The following LRCH3 variants were observed in gnomAD, a reference collection of about 807,000 sequenced individuals.
The protein encoded by LRCH3 is leucine rich repeats and calponin homology domain containing 3.
In LRCH3, 68 loss-of-function variants were observed where a neutral mutation model predicts 104.5. The ratio of observed to expected loss-of-function variants is 0.65; its 90% CI spans 0.54 to 0.80. LRCH3 has a LOEUF of 0.80. LRCH3 is among the 30% of genes least tolerant of loss of function. LRCH3 has a pLI of 0.00. For missense variants in LRCH3, 951 were observed against 953.9 expected (o/e 1.00, Z 0.04); for synonymous variants, 344 against 361.3 (o/e 0.95, Z 0.54).
intron 1 of LRCH3, 36 bp downstream of exon 1, chr3:197,791,576 A>C: frequency 6.7e-7 from 1 of 1,491,120 alleles, no homozygotes; most frequent in Non-Finnish European, 8.8e-7. Flanking sequence ...CCCGTCGGAG[A>C]CCCGGCGCCG....
intron 12 of LRCH3, 199 bp downstream of exon 12, chr3:197,848,220 A>G: frequency 3.6e-6 from 2 of 548,604 alleles, no homozygotes; most frequent in Non-Finnish European, 3.2e-6. Context: ...TTAACGGTAA[A>G]TCTGTCATTG....
Position 197,817,578 on chromosome 3 carries a change from G to A in LRCH3, c.534+276G>A, listed in dbSNP as rs555151891. 2.7e-3 allele frequency among the ~76,000 whole-genome samples: 405 copies of A among 151,296 alleles called. 1 individual carries two copies. The highest frequency in any genetic ancestry group is 9.5e-3 in the African/African-American group (391 of 41,240). ...TAATTGGCCCACACAGATGGGAAAA[G>A]GTCATTAGAATTAGGTTCTAACCAA... On this transcript the variant is annotated intron_variant, in intron 3 of 20. Transcript: ENST00000425562.
At chr3:197,879,448 C>G (rs547082078) in intron 20 of LRCH3, among the ~76,000 whole-genome samples, 1 of 151,424 alleles carries the variant, frequency 6.6e-6, no homozygotes, top group Non-Finnish European at 1.5e-5. Flanking sequence ...AGATCGAGAC[C>G]ATCCTGGCTA....
chr3:197,837,314 A>G (rs1221496041), intron 9 of LRCH3, among the ~76,000 whole-genome samples: 4 of 152,180 alleles, frequency 2.6e-5, no homozygotes, highest in African/African-American at 4.8e-5. Context: ...TCTCTACTAA[A>G]AGTGAAAATG....
At chr3:197,797,517 C>A (rs1231598115) in intron 1 of LRCH3, among the ~76,000 whole-genome samples, 1 of 151,910 alleles carries the variant, frequency 6.6e-6, no homozygotes, top group Non-Finnish European at 1.5e-5. Flanking sequence ...TGGGAAAAAA[C>A]AGAAACAGAA....
chr3:197,864,620 AAAAC>A (rs1196892760), intron 15 of LRCH3, among the ~76,000 whole-genome samples: 7 of 150,794 alleles, frequency 4.6e-5, no homozygotes, highest in African/African-American at 7.3e-5. Flanking sequence ...CAAAAAAAAA[AAAAC>A]AAAAAACAAA....
chr3:197,849,546 AT>A lies in LRCH3; in HGVS notation c.1530+1528del, dbSNP rs1461695699. The stretch of plus-strand genomic sequence containing the variant: ...ACTATATCTCCTAATTTGTCTAACC[AT>A]TTCTCTTTCCCTTAAGTCCCTGCTT... On this transcript the variant is annotated intron_variant, in intron 12 of 20. Transcript: ENST00000425562. 6.6e-5 allele frequency among the ~76,000 whole-genome samples: 10 copies of A among 152,072 alleles called. No homozygotes were observed. The South Asian group carries it at 1.2e-3, about 19-fold the overall frequency.
At chr3:197,795,487 C>T (rs1247390383) in intron 1 of LRCH3, among the ~76,000 whole-genome samples, 1 of 151,934 alleles carries the variant, frequency 6.6e-6, no homozygotes, top group Non-Finnish European at 1.5e-5. Context: ...GCTTTGAGCC[C>T]TGGGGTTGCT....
intron 19 of LRCH3, among the ~76,000 whole-genome samples, chr3:197,871,808 G>C (rs536551772): frequency 6.6e-6 from 1 of 152,340 alleles, no homozygotes; most frequent in African/African-American, 2.4e-5. Flanking sequence ...AGAGAGGGGA[G>C]GGGGCCTTCC....
chr3:197,885,249 G>C lies in LRCH3; in HGVS notation c.*1583G>C, dbSNP rs189267643. The C allele has an allele frequency of 2.0e-5, 3 of 152,298 alleles. No individual in the cohort carries two copies. In the East Asian group the frequency reaches 5.8e-4, roughly 29 times the overall value. 9.4% of individuals were successfully genotyped at this position (152,298 alleles called of 1,614,324 possible). On this transcript the variant is annotated 3_prime_UTR_variant, in exon 21 of 21. Transcript: ENST00000425562. ...GTTACAGCACATACACTTCTAGCTC[G>C]GAAAAGCCTAGTTTCTTGTATTTCT...
At chr3:197,852,512 T>C (rs771827331) in intron 12 of LRCH3, 49 bp from the exon 13 acceptor site, 1 of 1,559,774 alleles carries the variant, frequency 6.4e-7, no homozygotes, top group Admixed American at 1.7e-5. Context: ...TTTGCAGTGT[T>C]CCAGGCTCTA....
intron 18 of LRCH3, 49 bp from the exon 19 acceptor site, chr3:197,871,276 A>G: frequency 7.6e-7 from 1 of 1,310,326 alleles, no homozygotes; most frequent in Non-Finnish European, 1.1e-6. Context: ...TATGTCCTAT[A>G]TGTCAGTCTT....
intron 9 of LRCH3, 117 bp downstream of exon 9, chr3:197,835,939 T>C (rs1736737100): frequency 8.9e-7 from 1 of 1,118,950 alleles, no homozygotes; most frequent in Non-Finnish European, 1.2e-6. Flanking sequence ...GTTTTCATTA[T>C]GTTCACTTCT....
At chr3:197,807,248 G>A (rs920028520) in intron 1 of LRCH3, among the ~76,000 whole-genome samples, 3 of 144,448 alleles carry the variant, frequency 2.1e-5, no homozygotes, top group Non-Finnish European at 3.0e-5. Flanking sequence ...ACGGAGTCTC[G>A]TTCTGTCGCC....
At chr3:197,835,497 TAA>T (rs79382131) in intron 8 of LRCH3, among the ~76,000 whole-genome samples, 175 bp from the exon 9 acceptor site, 4,710 of 135,030 alleles carry the variant, frequency 0.035, 136 homozygotes, top group Middle Eastern at 0.045. Context: ...ATAAAATGGG[TAA>T]AAAAAAAAAA....
Position 197,866,031 on chromosome 3 carries a change from A to T in LRCH3, c.1766-81A>T, listed in dbSNP as rs1580864068. The T allele has an allele frequency of 1.0e-6, 1 of 966,656 alleles. No homozygotes were observed. Among genetic ancestry groups the T allele is most frequent in the Non-Finnish European group, 1.6e-6 (1 of 625,770 alleles). The allele number at this position is 966,656 out of a possible 1,614,324, so 59.9% of individuals were successfully genotyped here. ...TATATCATTGCCATGTTTATTTTTT[A>T]CTTGTTACTTTTGTAACTTGTATGT... On this transcript the variant is annotated intron_variant, in intron 16 of 20. Coordinates refer to ENST00000425562, the MANE Select transcript of LRCH3 (RefSeq NM_001365715.1).
intron 12 of LRCH3, chr3:197,850,608 T>C (rs1739456099): frequency 1.3e-6 from 2 of 1,584,266 alleles, no homozygotes; most frequent in African/African-American, 1.3e-5. Context: ...CACTTGGATA[T>C]GCTCAATGAC....
chr3:197,853,433 C>T (rs1337904822), intron 13 of LRCH3, among the ~76,000 whole-genome samples: 1 of 152,124 alleles, frequency 6.6e-6, no homozygotes, highest in East Asian at 1.9e-4. Context: ...CATAATCCAC[C>T]TGCCTCGGCC....
chr3:197,869,521 C>CACTGTACCTGCAGGAGGTAGAAAGCG (rs1711818992), intron 17 of LRCH3, among the ~76,000 whole-genome samples: 1 of 91,118 alleles, frequency 1.1e-5, no homozygotes, highest in African/African-American at 4.6e-5. Context: ...GGTAGAAAGC[C>CACTGTACCTGCAGGAGGTAGAAAGCG]GTGCACTGTA....
Sources: allele counts gnomAD v4.1 joint callset (sites outside exome capture counted in the v4.1 genomes callset), GRCh38; gene constraint gnomAD v4.1.1; transcripts MANE v1.5; gene names NCBI Gene and HGNC (gene_info 2026-07-23, HGNC 2026-07-21).